ZNF202: variants seen among roughly 807,000 people sequenced by gnomAD.
The protein encoded by ZNF202 is zinc finger protein with KRAB and SCAN domains 10.
A neutral mutation model predicts 54.5 loss-of-function variants in ZNF202; 22 were observed. That is an observed-to-expected ratio of 0.40 (90% CI 0.29 to 0.58). The LOEUF (loss-of-function observed/expected upper bound fraction) is 0.58, where lower values mean the gene tolerates loss of function less well. Among genes scored for constraint, ZNF202 ranks in the 20% least tolerant of loss-of-function variants. The probability of loss-of-function intolerance (pLI) is 0.39; values close to 1 mark genes in which losing one functional copy is unlikely to be tolerated. For synonymous variants in ZNF202, 294 were observed against 301.4 expected (o/e 0.98, Z 0.26); for missense variants, 644 against 805.5 (o/e 0.80, Z 2.43).
intron 3 of ZNF202, among the ~76,000 whole-genome samples, chr11:123,736,555 G>A (rs1336533148): frequency 6.6e-6 from 1 of 152,118 alleles, no homozygotes; most frequent in African/African-American, 2.4e-5. Flanking sequence ...CTTTTCCAAT[G>A]CTGCTGCTGT....
chr11:123,727,033 C>T, intron 8 of ZNF202, 42 bp from the exon 9 acceptor site: 2 of 1,566,982 alleles, frequency 1.3e-6, no homozygotes, highest in African/African-American at 1.4e-5. Context: ...ACTGTAGCGG[C>T]AACAATGCCT....
At chr11:123,734,210 A>G (rs1363746505) in intron 3 of ZNF202, among the ~76,000 whole-genome samples, 3 of 152,098 alleles carry the variant, frequency 2.0e-5, no homozygotes, top group Admixed American at 6.5e-5. Context: ...AATGGGCAGG[A>G]GGCCCATCCA....
intron 3 of ZNF202, among the ~76,000 whole-genome samples, chr11:123,732,929 T>C (rs1430553051): frequency 1.3e-5 from 2 of 152,144 alleles, no homozygotes; most frequent in African/African-American, 4.8e-5. Context: ...CATTTCCCGG[T>C]TGAGCCATTA....
Position 123,724,764 on chromosome 11 carries a change from A to G in ZNF202, c.*1233T>C, listed in dbSNP as rs1158395529. On this transcript the variant is annotated 3_prime_UTR_variant, in exon 9 of 9. Transcript: ENST00000530393. ...TATGAACATAAAATCACGTAAGAAAAAGCAAACAACACAAATACATGAAAG... is the reference window on the plus strand; with the variant it reads ...TATGAACATAAAATCACGTAAGAAAGAGCAAACAACACAAATACATGAAAG... The G allele has an allele frequency of 6.6e-6, 1 of 152,218 alleles. No homozygotes were observed. The highest frequency in any genetic ancestry group is 1.5e-5 in the Non-Finnish European group (1 of 68,056). 9.4% of individuals were successfully genotyped at this position (152,218 alleles called of 1,614,324 possible). A position where few individuals can be genotyped will look rare whatever the true frequency, so the allele number is the denominator to read the frequency against.
In ZNF202 at chr11:123,729,656, C is replaced by G. The variant is rs747324866; in HGVS notation, c.572G>C (p.Arg191Pro). ...CTGGAGCTCCTCTTCCTGGTGTGGA[C>G]GCTGCTCTGCCGGTGCCCCCAGATC... ...SPDLGAPAEQ[R>P]PHQEEELQTL... is the part of the protein sequence containing the mutation. Residue 191 changes from arginine to proline, a missense_variant, in exon 5 of 9, where the codon CGT becomes CCT. By Grantham distance (103) the Arg-to-Pro change is moderately radical. Coordinates refer to ENST00000530393, the MANE Select transcript of ZNF202 (RefSeq NM_003455.4). 3 of 1,609,204 alleles carry G rather than the reference C, an allele frequency of 1.9e-6. No homozygotes were observed. Among genetic ancestry groups the G allele is most frequent in the Non-Finnish European group, 2.5e-6 (3 of 1,177,816 alleles).
In ZNF202 at chr11:123,725,748, G is replaced by T; in HGVS notation, c.*249C>A. 1 of 493,356 alleles carries T rather than the reference G, an allele frequency of 2.0e-6. No individual in the cohort carries two copies. Among genetic ancestry groups the T allele is most frequent in the Non-Finnish European group, 3.6e-6 (1 of 278,986 alleles). 30.6% of individuals were successfully genotyped at this position (493,356 alleles called of 1,614,324 possible). ...CTTTATACCCATGAGGTAGAGGCAGGTGCACTCCAGTGAAGGAGAAGCCTC... is the reference window on the plus strand; with the variant it reads ...CTTTATACCCATGAGGTAGAGGCAGTTGCACTCCAGTGAAGGAGAAGCCTC... On this transcript the variant is annotated 3_prime_UTR_variant, in exon 9 of 9. Coordinates refer to ENST00000530393, the MANE Select transcript of ZNF202 (RefSeq NM_003455.4).
intron 6 of ZNF202, among the ~76,000 whole-genome samples, 193 bp from the exon 7 acceptor site, chr11:123,728,455 C>G (rs1861254349): frequency 6.6e-6 from 1 of 152,140 alleles, no homozygotes; most frequent in South Asian, 2.1e-4. Flanking sequence ...AACTCCACCA[C>G]TTTTCCTGAG....
At position 123,726,682 on chromosome 11, in the gene ZNF202, C is replaced by T; in HGVS notation, c.1262G>A (p.Gly421Glu). The T allele has an allele frequency of 6.2e-7, 1 of 1,614,204 alleles. No homozygotes were observed. Among genetic ancestry groups the T allele is most frequent in the Non-Finnish European group, 8.5e-7 (1 of 1,180,046 alleles). Reference protein sequence around the residue: ...HLVRHLRTHTGEKPYKCMECG... With the variant: ...HLVRHLRTHTEEKPYKCMECG... ...TTCCATACATTTATAGGGTTTCTCTCCTGTGTGAGTCCTCAGGTGTCTAAC... is the reference window on the plus strand; with the variant it reads ...TTCCATACATTTATAGGGTTTCTCTTCTGTGTGAGTCCTCAGGTGTCTAAC... Residue 421 changes from glycine to glutamate, a missense_variant, in exon 9 of 9, where the codon GGA becomes GAA. Gly to Glu is a moderately conservative substitution (Grantham distance 98, BLOSUM62 -2). This residue lies in a region of ZNF202 where 536 missense variants were observed against 635.3 expected (regional missense o/e 0.84). Coordinates refer to ENST00000530393, the MANE Select transcript of ZNF202 (RefSeq NM_003455.4). The surrounding 1 kb of genome is among the most constrained non-coding windows in gnomAD (Gnocchi z 6.0).
rs748320669 is a variant in ZNF202, at chr11:123,729,658, C to T, written c.570G>A (p.Gln190=). 1.2e-6 allele frequency: 2 copies of T among 1,610,408 alleles called. No individual in the cohort carries two copies. The highest frequency in any genetic ancestry group is 1.7e-6 in the Non-Finnish European group (2 of 1,178,360). Residue 190 remains glutamine, a synonymous_variant, in exon 5 of 9, where the codon CAG becomes CAA. Coordinates refer to ENST00000530393, the MANE Select transcript of ZNF202 (RefSeq NM_003455.4). ...QSPDLGAPAE[Q]RPHQEEELQT... ...GGAGCTCCTCTTCCTGGTGTGGACG[C>T]TGCTCTGCCGGTGCCCCCAGATCTG...
chr11:123,724,651 G>A lies in ZNF202; in HGVS notation c.*1346C>T, dbSNP rs1338051387. The A allele has an allele frequency of 6.6e-6, 1 of 152,182 alleles. No individual in the cohort carries two copies. The highest frequency in any genetic ancestry group is 1.5e-5 in the Non-Finnish European group (1 of 68,032). The allele number at this position is 152,182 out of a possible 1,614,324, so 9.4% of individuals were successfully genotyped here. A position where few individuals can be genotyped will look rare whatever the true frequency, so the allele number is the denominator to read the frequency against. The stretch of plus-strand genomic sequence containing the variant: ...CCACTCCCACAATCAGAGAAGGTGA[G>A]GTTCATAATTATTCAGCCTCATCTC... On this transcript the variant is annotated 3_prime_UTR_variant, in exon 9 of 9. Coordinates refer to ENST00000530393, the MANE Select transcript of ZNF202 (RefSeq NM_003455.4).
At chr11:123,734,318 A>G (rs1278657806) in intron 3 of ZNF202, among the ~76,000 whole-genome samples, 1 of 152,172 alleles carries the variant, frequency 6.6e-6, no homozygotes, top group Non-Finnish European at 1.5e-5. Flanking sequence ...GTTAAAATTT[A>G]AACTTCTTAA....
At chr11:123,728,735 A>C (rs547131100) in intron 6 of ZNF202, among the ~76,000 whole-genome samples, 1 of 152,208 alleles carries the variant, frequency 6.6e-6, no homozygotes, top group African/African-American at 2.4e-5. Context: ...GCTTAGTTTC[A>C]GAGCTTTGAT....
Position 123,730,466 on chromosome 11 carries a change from A to T in ZNF202, c.402+21T>A. On this transcript the variant is annotated intron_variant, in intron 4 of 8. Coordinates refer to ENST00000530393, the MANE Select transcript of ZNF202 (RefSeq NM_003455.4). This position sits in a 1 kb window ranked among gnomAD's most constrained non-coding sequence, Gnocchi z 6.0. ...AATAGTCCCCCTCCACATCACACAG[A>T]TCAGGACTCCCCCTCCTCACCCACC... 1 of 1,515,904 alleles carries T rather than the reference A, an allele frequency of 6.6e-7. No homozygotes were observed. 93.9% of individuals were successfully genotyped at this position (1,515,904 alleles called of 1,614,324 possible).
intron 3 of ZNF202, among the ~76,000 whole-genome samples, chr11:123,738,068 G>A (rs1190593272): frequency 1.3e-5 from 2 of 152,212 alleles, no homozygotes; most frequent in Non-Finnish European, 2.9e-5. Context: ...CTGGAGTGCA[G>A]TGGCAAGATC....
At chr11:123,739,805 G>C (rs539210509) in intron 3 of ZNF202, among the ~76,000 whole-genome samples, 32 of 152,272 alleles carry the variant, frequency 2.1e-4, no homozygotes, top group South Asian at 2.1e-3. Context: ...GAAGAACCCA[G>C]ATCTGCAGCA....
chr11:123,727,744 A>T (rs1861219041), intron 7 of ZNF202, 149 bp from the exon 8 acceptor site: 1 of 1,118,616 alleles, frequency 8.9e-7, no homozygotes, highest in Non-Finnish European at 1.2e-6. Context: ...GTGTACTTTT[A>T]ACCAAGGACT....
At chr11:123,727,056 G>C in intron 8 of ZNF202, 65 bp from the exon 9 acceptor site, 2 of 1,528,214 alleles carry the variant, frequency 1.3e-6, no homozygotes, top group Non-Finnish European at 1.8e-6. Flanking sequence ...TACACAATGG[G>C]GAGATTTTTA....
chr11:123,724,951 C>T lies in ZNF202; in HGVS notation c.*1046G>A, dbSNP rs1861061895. Reference sequence around the variant, plus strand: ...TCCATAATTTGGTCTTAGTCGTTCTCCAGTTGTCTTCATGTAAATAAAGTG... The same window carrying T: ...TCCATAATTTGGTCTTAGTCGTTCTTCAGTTGTCTTCATGTAAATAAAGTG... On this transcript the variant is annotated 3_prime_UTR_variant, in exon 9 of 9. Transcript: ENST00000530393. 6.6e-6 allele frequency: 1 copy of T among 152,156 alleles called. No homozygotes were observed. The highest frequency in any genetic ancestry group is 1.5e-5 in the Non-Finnish European group (1 of 68,056). 9.4% of individuals were successfully genotyped at this position (152,156 alleles called of 1,614,324 possible). A position where few individuals can be genotyped will look rare whatever the true frequency, so the allele number is the denominator to read the frequency against.
Position 123,729,722 on chromosome 11 carries a change from G to A in ZNF202, c.506C>T (p.Ser169Leu), listed in dbSNP as rs781567609. Reference protein sequence around the residue: ...PNELQDPVQSSTPEQSPEETT... With the variant: ...PNELQDPVQSLTPEQSPEETT... ...TTCCTCAGGAGACTGCTCGGGGGTC[G>A]AGCTTTGCACAGGATCCTGCAGCTC... Residue 169 changes from serine to leucine, a missense_variant, in exon 5 of 9, where the codon TCG becomes TTG. Ser to Leu is a moderately radical substitution (Grantham distance 145). Around this residue, in one of 3 missense-constraint regions of ZNF202, gnomAD observed 536 missense variants for 635.3 expected, o/e 0.84. Coordinates refer to ENST00000530393, the MANE Select transcript of ZNF202 (RefSeq NM_003455.4). 64 of 1,613,790 alleles carry A rather than the reference G, an allele frequency of 4.0e-5. No homozygotes were observed. The highest frequency in any genetic ancestry group is 6.6e-5 in the South Asian group (6 of 91,022).
Sources: gnomAD v4.1 joint callset for allele counts (sites outside exome capture counted in the v4.1 genomes callset) on GRCh38, gnomAD v4.1.1 for gene constraint, gnomAD v4.1.1 regional missense constraint, Gnocchi (gnomAD v3.1) non-coding constraint, MANE v1.5 for transcripts, NCBI Gene and HGNC (gene_info 2026-07-23, HGNC 2026-07-21) for gene names.